Variants in MSRA observed in about 807,000 individuals in gnomAD.
MSRA encodes methionine sulfoxide reductase A.
Under a neutral mutation model 31.3 loss-of-function variants are expected in MSRA, and 54 were observed. That is an observed-to-expected ratio of 1.73 (90% CI 1.39 to 2.17). MSRA has a LOEUF of 2.17. MSRA is among the 30% of genes most tolerant of loss of function. The pLI, the probability that MSRA is intolerant of heterozygous loss-of-function variation, is 0.00. For missense variants in MSRA, 507 were observed against 300.9 expected, an observed-to-expected ratio of 1.69 and a Z score of -5.07; for synonymous variants, 169 against 116.5, an observed-to-expected ratio of 1.45 and a Z score of -2.90.
intron 1 of MSRA, among the ~76,000 whole-genome samples, chr8:10,183,102 A>G (rs1054216347): frequency 2.0e-5 from 3 of 152,108 alleles, no homozygotes; most frequent in African/African-American, 7.2e-5. Flanking sequence ...AGGAACCCTC[A>G]TGTTATAGCT....
rs1488718959 is a variant in MSRA, at chr8:10,115,502, C to G, written c.142+60844C>G. ...ATGTTTGGACTTCTGGCCTCCAGAA[C>G]TACGAGAAAATCAATTTCTGTGTCT... On this transcript the variant is annotated intron_variant, in intron 1 of 5. Transcript: ENST00000317173. 3.9e-5 allele frequency among the ~76,000 whole-genome samples: 6 copies of G among 152,236 alleles called. No homozygotes were observed. In the South Asian group the frequency reaches 1.2e-3, roughly 31 times the overall value.
intron 5 of MSRA, among the ~76,000 whole-genome samples, chr8:10,364,665 T>C (rs1378321285): frequency 6.6e-6 from 1 of 152,262 alleles, no homozygotes; most frequent in Non-Finnish European, 1.5e-5. Flanking sequence ...TTGAAAAGCA[T>C]TGTGTATCTT....
At chr8:10,102,783 T>A (rs962237127) in intron 1 of MSRA, among the ~76,000 whole-genome samples, 1 of 152,194 alleles carries the variant, frequency 6.6e-6, no homozygotes, top group Admixed American at 6.5e-5. Context: ...CCCTCATTTC[T>A]GTGAGGTGGG....
At chr8:10,322,149 A>G (rs1299738979) in intron 5 of MSRA, among the ~76,000 whole-genome samples, 1 of 152,178 alleles carries the variant, frequency 6.6e-6, no homozygotes, top group African/African-American at 2.4e-5. Flanking sequence ...TTTATTATCA[A>G]GTACCTGACA....
chr8:10,316,840 G>C (rs1401320475), intron 4 of MSRA, among the ~76,000 whole-genome samples: 1 of 152,104 alleles, frequency 6.6e-6, no homozygotes, highest in African/African-American at 2.4e-5. Context: ...CATCCACCTA[G>C]GGGAGGACTT....
At chr8:10,068,229 A>C (rs1797559955) in intron 1 of MSRA, among the ~76,000 whole-genome samples, 1 of 152,018 alleles carries the variant, frequency 6.6e-6, no homozygotes, top group Non-Finnish European at 1.5e-5. Context: ...GATATCCTTT[A>C]TCAGATGTGT....
chr8:10,196,268 G>A (rs982891585), intron 1 of MSRA, among the ~76,000 whole-genome samples: 3 of 152,162 alleles, frequency 2.0e-5, no homozygotes, highest in African/African-American at 7.2e-5. Context: ...CTGTGGTGTA[G>A]AACTGCTTGT....
chr8:10,146,733 C>T (rs895258282), intron 1 of MSRA, among the ~76,000 whole-genome samples: 1 of 152,138 alleles, frequency 6.6e-6, no homozygotes, highest in African/African-American at 2.4e-5. Flanking sequence ...CTGCTGCATA[C>T]TGATGAAATC....
chr8:10,131,616 C>T (rs1050893912), intron 1 of MSRA, among the ~76,000 whole-genome samples: 15 of 152,208 alleles, frequency 9.9e-5, no homozygotes. Context: ...CATTGATGGG[C>T]TACAGAAATC....
intron 5 of MSRA, among the ~76,000 whole-genome samples, chr8:10,334,136 A>G (rs1397335678): frequency 6.7e-6 from 1 of 150,224 alleles, no homozygotes; most frequent in African/African-American, 2.4e-5. Flanking sequence ...CGTTAATATC[A>G]TCTCTTATCT....
chr8:10,163,336 G>T (rs189976860), intron 1 of MSRA, among the ~76,000 whole-genome samples: 141 of 152,340 alleles, frequency 9.3e-4, no homozygotes, highest in African/African-American at 3.3e-3. Context: ...ATGGTGGCCG[G>T]TCACCTTCCA....
chr8:10,407,639 G>C (rs927716650), intron 5 of MSRA, among the ~76,000 whole-genome samples: 1 of 152,144 alleles, frequency 6.6e-6, no homozygotes, highest in African/African-American at 2.4e-5. Context: ...CACGGGGTGC[G>C]TTTGAATTTC....
chr8:10,276,812 C>T (rs898445625), intron 3 of MSRA, among the ~76,000 whole-genome samples: 16 of 152,160 alleles, frequency 1.1e-4, no homozygotes, highest in Non-Finnish European at 4.4e-5. Flanking sequence ...TCCTCCTTCC[C>T]TCCTCCACTT....
At chr8:10,196,402 G>T (rs1460461318) in intron 1 of MSRA, among the ~76,000 whole-genome samples, 1 of 152,128 alleles carries the variant, frequency 6.6e-6, no homozygotes, top group African/African-American at 2.4e-5. Flanking sequence ...AATACCTGGG[G>T]ACTCTGTACA....
chr8:10,131,602 C>A (rs1026758945), intron 1 of MSRA, among the ~76,000 whole-genome samples: 1 of 152,212 alleles, frequency 6.6e-6, no homozygotes, highest in African/African-American at 2.4e-5. Flanking sequence ...TCCTAGTATT[C>A]ACACATTGAT....
At chr8:10,159,931 A>G (rs1184833861) in intron 1 of MSRA, among the ~76,000 whole-genome samples, 2 of 152,234 alleles carry the variant, frequency 1.3e-5, no homozygotes, top group East Asian at 3.8e-4. Flanking sequence ...TAAGTTAGGA[A>G]GAAACGACTT....
intron 1 of MSRA, among the ~76,000 whole-genome samples, chr8:10,085,236 G>A (rs1295747688): frequency 3.3e-5 from 5 of 152,118 alleles, no homozygotes; most frequent in Admixed American, 3.3e-4. Flanking sequence ...TCCTGCCTTT[G>A]GGTTTGTTCT....
chr8:10,268,783 A>G (rs1469713213), intron 3 of MSRA, among the ~76,000 whole-genome samples: 20 of 152,248 alleles, frequency 1.3e-4, no homozygotes, highest in Admixed American at 1.3e-3. Context: ...AGAACACATT[A>G]CACCATTAAA....
At chr8:10,248,189 C>T (rs1164616342) in intron 3 of MSRA, among the ~76,000 whole-genome samples, 1 of 152,168 alleles carries the variant, frequency 6.6e-6, no homozygotes, top group African/African-American at 2.4e-5. Context: ...TATCTGCTTG[C>T]AATTAAGTTT....
Sources: allele counts gnomAD v4.1 joint callset (sites outside exome capture counted in the v4.1 genomes callset), GRCh38; gene constraint gnomAD v4.1.1; transcripts MANE v1.5; gene names NCBI Gene and HGNC (gene_info 2026-07-23, HGNC 2026-07-21).